LYST: variants seen among roughly 807,000 people sequenced by gnomAD.
LYST encodes lysosomal trafficking regulator.
In LYST, 192 loss-of-function variants were observed where a neutral mutation model predicts 413.6. That is an observed-to-expected ratio of 0.46 (90% confidence interval 0.41 to 0.52). The LOEUF (loss-of-function observed/expected upper bound fraction) is 0.52. Among genes scored for constraint, LYST ranks in the 20% least tolerant of loss-of-function variants. The pLI, the probability that LYST is intolerant of heterozygous loss-of-function variation, is 0.00. For missense variants in LYST, 3,815 were observed against 4,499.9 expected (o/e 0.85, Z 4.35); for synonymous variants, 1,525 against 1,567.3 (o/e 0.97, Z 0.64).
intron 16 of LYST, among the ~76,000 whole-genome samples, chr1:235,779,085 T>G (rs1669603444): frequency 6.6e-6 from 1 of 151,908 alleles, no homozygotes; most frequent in African/African-American, 2.4e-5. Context: ...CAGGCTGGTC[T>G]CAAACTCCTG....
chr1:235,774,025 A>C lies in LYST; in HGVS notation c.5635-34T>G, dbSNP rs111464279. 5.5e-6 allele frequency: 8 copies of C among 1,459,074 alleles called. No homozygotes were observed. In the African/African-American group the frequency reaches 5.6e-5, roughly 10 times the overall value. 90.4% of individuals were successfully genotyped at this position (1,459,074 alleles called of 1,614,324 possible). A position where few individuals can be genotyped will look rare whatever the true frequency, so the allele number is the denominator to read the frequency against. Reference sequence around the variant, plus strand: ...AATTAGCATTAATATAAGATGCATTAGTAATTGGTTAATCAGGAAGTTCAA... The same window carrying C: ...AATTAGCATTAATATAAGATGCATTCGTAATTGGTTAATCAGGAAGTTCAA... On this transcript the variant is annotated intron_variant, in intron 18 of 52. Coordinates refer to ENST00000389793, the MANE Select transcript of LYST (RefSeq NM_000081.4).
In LYST at chr1:235,693,475, T is replaced by A; in HGVS notation, c.10576A>T (p.Met3526Leu). 6.2e-7 allele frequency: 1 copy of A among 1,614,112 alleles called. No homozygotes were observed. Among genetic ancestry groups the A allele is most frequent in the Non-Finnish European group, 8.5e-7 (1 of 1,179,970 alleles). ...GACCACTGAATGTCCGTACTGTTCA[T>A]GCTTCTCACACCTCAAGGAGAAGGA... ...TYSKEQGVRSMNSTDIQWSAI... is the reference protein window; with the variant it reads ...TYSKEQGVRSLNSTDIQWSAI... Residue 3526 changes from methionine (M) to leucine (L), a missense_variant, in exon 47 of 53, where the codon ATG becomes TTG. By Grantham distance (15) the Met-to-Leu change is conservative (BLOSUM62 2). This residue lies in a region of LYST where 866 missense variants were observed against 1,156.0 expected (regional missense o/e 0.75). Transcript: ENST00000389793.
chr1:235,666,603 C>CAT (rs199656873), intron 50 of LYST, among the ~76,000 whole-genome samples: 229 of 134,576 alleles, frequency 1.7e-3, no homozygotes, highest in African/African-American at 6.9e-3. Flanking sequence ...CACACACACA[C>CAT]ACATACACAC....
At position 235,806,043 on chromosome 1, in the gene LYST, C is replaced by T. The variant is rs779889278; in HGVS notation, c.3093G>A (p.Lys1031=). The change falls in exon 6 of 53, where the codon AAG becomes AAA. Residue 1031 remains lysine, a synonymous_variant. Transcript: ENST00000389793. ...NQDLNRISQP[K]RTMKEDLLSL... Reference sequence around the variant, plus strand: ...ATAATAAATCTTCCTTCATAGTTCTCTTAGGTTGAGAAATTCTGTTTAAAT... The same window carrying T: ...ATAATAAATCTTCCTTCATAGTTCTTTTAGGTTGAGAAATTCTGTTTAAAT... The T allele has an allele frequency of 3.9e-5, 63 of 1,613,780 alleles. No homozygotes were observed. The highest frequency in any genetic ancestry group is 5.3e-5 in the Non-Finnish European group (62 of 1,179,952).
In LYST at chr1:235,801,055, C is replaced by A; in HGVS notation, c.3755G>T (p.Ser1252Ile). 4 of 1,613,136 alleles carry A rather than the reference C, an allele frequency of 2.5e-6. No individual in the cohort carries two copies. Among genetic ancestry groups the A allele is most frequent in the Non-Finnish European group, 3.4e-6 (4 of 1,179,368 alleles). Residue 1252 changes from serine to isoleucine, a missense_variant, in exon 9 of 53, where the codon AGC becomes ATC. Around this residue, in one of 4 missense-constraint regions of LYST, gnomAD observed 1,648 missense variants for 1,810.3 expected, o/e 0.91. Coordinates refer to ENST00000389793, the MANE Select transcript of LYST (RefSeq NM_000081.4). The stretch of plus-strand genomic sequence containing the variant: ...GTTTTCGAGTAAGTCATTTGGACTG[C>A]TTGATGCACTGAAACCTTCTGTTTC... ...KSETEGFSASSSPNDLLENLT... is the reference protein window; with the variant it reads ...KSETEGFSASISPNDLLENLT...
chr1:235,698,075 T>C (rs1373690532), intron 45 of LYST, among the ~76,000 whole-genome samples: 2 of 152,226 alleles, frequency 1.3e-5, no homozygotes, highest in African/African-American at 4.8e-5. Context: ...TTTCCCCAAA[T>C]AGTTCTATTC....
chr1:235,828,944 C>A, intron 3 of LYST: 1 of 733,408 alleles, frequency 1.4e-6, no homozygotes, highest in South Asian at 6.2e-5. Context: ...GTGGCTCACA[C>A]CTGTAATCCC....
chr1:235,757,496 A>C (rs1376612550), intron 23 of LYST, 38 bp from the exon 24 acceptor site: 2 of 1,492,164 alleles, frequency 1.3e-6, no homozygotes, highest in Middle Eastern at 1.7e-4. Flanking sequence ...TAACATGACA[A>C]GAAAAGTACT....
At chr1:235,765,984 A>G in intron 21 of LYST, 95 bp downstream of exon 21, 1 of 939,986 alleles carries the variant, frequency 1.1e-6, no homozygotes, top group South Asian at 1.3e-5. Context: ...AGAGCAGCAC[A>G]GAGGCCATTC....
intron 20 of LYST, 37 bp downstream of exon 20, chr1:235,770,123 G>T: frequency 1.2e-6 from 2 of 1,604,318 alleles, no homozygotes; most frequent in Non-Finnish European, 1.7e-6. Flanking sequence ...AACAACTGTG[G>T]AATATATTTC....
rs764184574 is a variant in LYST at position 235,723,978 on chromosome 1, G to T, written c.9315+50C>A. 24 of 1,462,092 alleles carry T rather than the reference G, an allele frequency of 1.6e-5. No homozygotes were observed. The African/African-American group carries it at 2.9e-4, about 18-fold the overall frequency. 90.6% of individuals were successfully genotyped at this position (1,462,092 alleles called of 1,614,324 possible). A position where few individuals can be genotyped will look rare whatever the true frequency, so the allele number is the denominator to read the frequency against. On this transcript the variant is annotated intron_variant, in intron 39 of 52. Transcript: ENST00000389793. Reference sequence around the variant, plus strand: ...TAATCAGTATGAGTATAGTTACAGTGGCCCATGAGCACTTAAACAATATAT... The same window carrying T: ...TAATCAGTATGAGTATAGTTACAGTTGCCCATGAGCACTTAAACAATATAT...
At chr1:235,866,951 A>T (rs1680628044), upstream of LYST, 1 of 146,100 alleles carries the variant, frequency 6.8e-6, no homozygotes, top group Non-Finnish European at 1.5e-5. Flanking sequence ...CCGCCCAGGT[A>T]ACCCAGGAAA....
At chr1:235,814,298 T>C (rs769216073) in intron 3 of LYST, among the ~76,000 whole-genome samples, 1 of 152,088 alleles carries the variant, frequency 6.6e-6, no homozygotes, top group Non-Finnish European at 1.5e-5. Context: ...AGTAAATATA[T>C]AGATCTGGAA....
chr1:235,690,261 G>A (rs1660545638), intron 47 of LYST, among the ~76,000 whole-genome samples: 1 of 152,122 alleles, frequency 6.6e-6, no homozygotes, highest in Admixed American at 6.5e-5. Context: ...AGAATGTATT[G>A]TATATCTAAC....
chr1:235,684,417 C>G (rs1021949509), intron 48 of LYST, among the ~76,000 whole-genome samples: 5 of 152,190 alleles, frequency 3.3e-5, no homozygotes, highest in African/African-American at 9.7e-5. Flanking sequence ...AGTGCACAAG[C>G]TGACAACTGC....
chr1:235,782,180 C>CA, intron 14 of LYST, 93 bp from the exon 15 acceptor site: 4 of 820,508 alleles, frequency 4.9e-6, no homozygotes, highest in South Asian at 1.7e-5. Context: ...ATGGGGAATT[C>CA]TTTTTTTTTT....
rs1572203085 is a variant in LYST, at chr1:235,770,237, G to A, written c.5845C>T (p.Gln1949Ter). 2 of 1,613,560 alleles carry A rather than the reference G, an allele frequency of 1.2e-6. No homozygotes were observed. Residue 1949 changes from glutamine (Q) to a stop codon, truncating the protein, a stop_gained, in exon 20 of 53, where the codon CAG (glutamine) becomes TAG (stop). Transcript: ENST00000389793. LOFTEE classifies it high-confidence loss of function. ...LEVLIRADHH[Q>*]QMFNIKQLLK... is the part of the protein sequence containing the mutation. Reference sequence around the variant, plus strand: ...AACTGCTTAATATTAAACATCTGCTGGTGGTGATCTGCTCTGATGAGGACT... The same window carrying A: ...AACTGCTTAATATTAAACATCTGCTAGTGGTGATCTGCTCTGATGAGGACT...
At chr1:235,781,148 A>G in intron 15 of LYST, 93 bp from the exon 16 acceptor site, 2 of 801,498 alleles carry the variant, frequency 2.5e-6, no homozygotes, top group Non-Finnish European at 4.2e-6. Context: ...TTTTGTAGCC[A>G]GATTCTTTCA....
intron 8 of LYST, among the ~76,000 whole-genome samples, chr1:235,802,211 A>C (rs980736835): frequency 5.3e-5 from 8 of 150,698 alleles, no homozygotes; most frequent in African/African-American, 9.8e-5. Flanking sequence ...AAAAAAAAAA[A>C]AAAAAAAAAC....
Sources: allele counts gnomAD v4.1 joint callset (sites outside exome capture counted in the v4.1 genomes callset), GRCh38; gene constraint gnomAD v4.1.1; regional missense constraint gnomAD v4.1.1; transcripts MANE v1.5; gene names NCBI Gene and HGNC (gene_info 2026-07-23, HGNC 2026-07-21).